Variants in C10orf71 observed in about 807,000 individuals in gnomAD.
C10orf71 encodes the protein cardiac-enriched FHL2-interacting protein.
For synonymous variants in C10orf71, 758 were observed against 726.3 expected (o/e 1.04, Z -0.70); for missense variants, 1,869 against 1,804.5 (o/e 1.04, Z -0.65).
Position 49,322,436 on chromosome 10 carries a change from TG to T in C10orf71, c.-108del. ...AAAATCCCCACTTTGCAATTGCATC[TG>T]GTCAATGAGAGGCTCTAGTTTTGGG... On this transcript the variant is annotated 5_prime_UTR_variant, in exon 3 of 3. Transcript: ENST00000374144. 7.5e-7 allele frequency: 1 copy of T among 1,338,300 alleles called. No individual in the cohort carries two copies. Among genetic ancestry groups the T allele is most frequent in the Non-Finnish European group, 9.9e-7 (1 of 1,007,958 alleles). 82.9% of individuals were successfully genotyped at this position (1,338,300 alleles called of 1,614,324 possible). A position where few individuals can be genotyped will look rare whatever the true frequency, so the allele number is the denominator to read the frequency against.
At chr10:49,308,934 G>T (rs1046406647) in intron 1 of C10orf71, among the ~76,000 whole-genome samples, 3 of 152,236 alleles carry the variant, frequency 2.0e-5, no homozygotes, top group African/African-American at 7.2e-5. Flanking sequence ...CACAGAGGCC[G>T]AGGACTGGGT....
Position 49,326,337 on chromosome 10 carries a change from C to G in C10orf71, c.3792C>G (p.Leu1264=). 2 of 1,550,048 alleles carry G rather than the reference C, an allele frequency of 1.3e-6. No homozygotes were observed. Residue 1264 remains leucine, a synonymous_variant, in exon 3 of 3, where the codon CTC becomes CTG. Coordinates refer to ENST00000374144, the MANE Select transcript of C10orf71 (RefSeq NM_001135196.2). ...GGCGGCCCGGGGGCCCCCAGTCCCT[C>G]ACACCCCTGCCCGCGTACCCCGCCA... ...VGRRPGGPQS[L]TPLPAYPATQ...
In C10orf71 at chr10:49,303,232, A is replaced by G. The variant is rs553286947; in HGVS notation, c.-248+3999A>G. Among the ~76,000 whole-genome samples, 4 of 152,202 alleles carry G rather than the reference A, an allele frequency of 2.6e-5. No homozygotes were observed. In the South Asian group the frequency reaches 8.3e-4, roughly 32 times the overall value. On this transcript the variant is annotated intron_variant, in intron 1 of 2. Coordinates refer to ENST00000374144, the MANE Select transcript of C10orf71 (RefSeq NM_001135196.2). ...GACCCCAACCCCATGGTGACCACACATGGTGACCACCTCCCCTCTTGTGCG... is the reference window on the plus strand; with the variant it reads ...GACCCCAACCCCATGGTGACCACACGTGGTGACCACCTCCCCTCTTGTGCG...
Position 49,323,587 on chromosome 10 carries a change from C to A in C10orf71, c.1042C>A (p.Pro348Thr). The A allele has an allele frequency of 1.2e-6, 2 of 1,603,060 alleles. No individual in the cohort carries two copies. The highest frequency in any genetic ancestry group is 2.2e-5 in the East Asian group (1 of 44,814). ...AGCAGGGGCTCTGTCCACATCTATA[C>A]CCTGGGGGTGCAGGGATCCAGGAGC... The part of the protein sequence containing the change: ...LAAGALSTSI[P>T]WGCRDPGAQV... Residue 348 changes from proline (P) to threonine (T), a missense_variant, in exon 3 of 3, where the codon CCC becomes ACC. Coordinates refer to ENST00000374144, the MANE Select transcript of C10orf71 (RefSeq NM_001135196.2).
At chr10:49,320,658 T>G (rs1024075343) in intron 2 of C10orf71, among the ~76,000 whole-genome samples, 16 of 152,316 alleles carry the variant, frequency 1.1e-4, no homozygotes, top group Admixed American at 8.5e-4. Flanking sequence ...AAAACACCAC[T>G]GAACTTCAGG....
In C10orf71 at chr10:49,324,834, T is replaced by G; in HGVS notation, c.2289T>G (p.Gly763=). ...ACAGGAGGAAGGATGTGAGTGCAGG[T>G]GACAGTCAGAAGGATGAGAAGGAGA... The part of the protein sequence containing the change: ...REDRRKDVSA[G]DSQKDEKENV... The change falls in exon 3 of 3, where the codon GGT becomes GGG. Residue 763 remains glycine (G), a synonymous_variant. Transcript: ENST00000374144. 1 of 1,551,874 alleles carries G rather than the reference T, an allele frequency of 6.4e-7. No homozygotes were observed. The highest frequency in any genetic ancestry group is 8.7e-7 in the Non-Finnish European group (1 of 1,147,030).
chr10:49,303,357 C>T (rs1160944996), intron 1 of C10orf71, among the ~76,000 whole-genome samples: 1 of 152,168 alleles, frequency 6.6e-6, no homozygotes, highest in Non-Finnish European at 1.5e-5. Flanking sequence ...AGGCTCAGGA[C>T]AAGGGCAGAC....
rs1470253160 is a variant in C10orf71, at chr10:49,326,243, C to G, written c.3698C>G (p.Pro1233Arg). The G allele has an allele frequency of 1.3e-6, 2 of 1,550,662 alleles. No homozygotes were observed. Among genetic ancestry groups the G allele is most frequent in the Non-Finnish European group, 1.7e-6 (2 of 1,146,958 alleles). Residue 1233 changes from proline to arginine, a missense_variant, in exon 3 of 3, where the codon CCC becomes CGC. By Grantham distance (103) the Pro-to-Arg change is moderately radical. Transcript: ENST00000374144. ...CPRERPRHNFPVVRSLPPPVH... is the reference protein window; with the variant it reads ...CPRERPRHNFRVVRSLPPPVH... ...AGAGAGAGGCCCCGACACAATTTCC[C>G]CGTGGTCCGTTCCCTGCCCCCTCCC...
At chr10:49,313,839 G>A (rs1283417919) in intron 1 of C10orf71, among the ~76,000 whole-genome samples, 1 of 152,236 alleles carries the variant, frequency 6.6e-6, no homozygotes, top group African/African-American at 2.4e-5. Context: ...GTTGCCTGGT[G>A]GGTGGGCGGA....
rs186073400 is a variant in C10orf71 at position 49,324,802 on chromosome 10, C to A, written c.2257C>A (p.Arg753=). The A allele has an allele frequency of 6.3e-5, 98 of 1,552,074 alleles. No homozygotes were observed. The African/African-American group carries it at 1.1e-3, about 18-fold the overall frequency. ...GAAGATGTGGTTTACTGAGAACCAG[C>A]GGGAAGACAGGAGGAAGGATGTGAG... ...QQKMWFTENQ[R]EDRRKDVSAG... Residue 753 remains arginine (R), a synonymous_variant, in exon 3 of 3, where the codon CGG becomes AGG. Transcript: ENST00000374144.
At position 49,326,534 on chromosome 10, in the gene C10orf71, C is replaced by A; in HGVS notation, c.3989C>A (p.Ala1330Asp). The change falls in exon 3 of 3, where the codon GCT becomes GAT. Residue 1330 changes from alanine to aspartate, a missense_variant. Coordinates refer to ENST00000374144, the MANE Select transcript of C10orf71 (RefSeq NM_001135196.2). ...PEPPPPDALA[A>D]PYVLYPGFQP... is the part of the protein sequence containing the mutation. The stretch of plus-strand genomic sequence containing the variant: ...CCGCCCCCACCGGACGCCCTGGCCG[C>A]TCCCTATGTGCTGTACCCCGGCTTC... The A allele has an allele frequency of 1.9e-6, 3 of 1,550,622 alleles. No individual in the cohort carries two copies. Among genetic ancestry groups the A allele is most frequent in the Non-Finnish European group, 2.6e-6 (3 of 1,146,886 alleles).
rs368250068 is a variant in C10orf71, at chr10:49,325,722, C to A, written c.3177C>A (p.Pro1059=). The A allele has an allele frequency of 8.8e-4, 1,359 of 1,551,598 alleles. 13 individuals carry two copies. In the South Asian group the frequency reaches 0.015, roughly 17 times the overall value. The part of the protein sequence containing the change: ...VPSERANSPN[P]GSPGESSACS... ...GTGAGAGGGCGAATTCCCCCAACCC[C>A]GGCTCCCCCGGGGAGAGCAGTGCCT... Residue 1059 remains proline, a synonymous_variant, in exon 3 of 3, where the codon CCC becomes CCA. Coordinates refer to ENST00000374144, the MANE Select transcript of C10orf71 (RefSeq NM_001135196.2).
chr10:49,299,968 A>G (rs1443901333), intron 1 of C10orf71, among the ~76,000 whole-genome samples: 1 of 152,190 alleles, frequency 6.6e-6, no homozygotes, highest in South Asian at 2.1e-4. Context: ...CTGTTCTTAC[A>G]CACCCTGGGA....
At position 49,325,701 on chromosome 10, in the gene C10orf71, G is replaced by A; in HGVS notation, c.3156G>A (p.Glu1052=). The A allele has an allele frequency of 6.4e-7, 1 of 1,551,816 alleles. No individual in the cohort carries two copies. Among genetic ancestry groups the A allele is most frequent in the South Asian group, 1.2e-5 (1 of 84,054 alleles). The change falls in exon 3 of 3, where the codon GAG becomes GAA. Residue 1052 remains glutamate, a synonymous_variant. Transcript: ENST00000374144. ...GPPGRRLVPS[E]RANSPNPGSP... is the part of the protein sequence containing the mutation. ...CTGGCAGAAGACTGGTCCCCAGTGA[G>A]AGGGCGAATTCCCCCAACCCCGGCT... is the stretch of plus-strand genomic sequence containing the variant.
chr10:49,300,937 G>A (rs1458438194), intron 1 of C10orf71, among the ~76,000 whole-genome samples: 3 of 152,186 alleles, frequency 2.0e-5, no homozygotes, highest in East Asian at 1.9e-4. Context: ...GAGTAGACAG[G>A]AAGGCCAGAG....
In C10orf71 at chr10:49,326,723, C is replaced by T. The variant is rs1400950552; in HGVS notation, c.4178C>T (p.Thr1393Ile). 2.6e-6 allele frequency: 4 copies of T among 1,551,208 alleles called. No individual in the cohort carries two copies. Among genetic ancestry groups the T allele is most frequent in the Non-Finnish European group, 2.6e-6 (3 of 1,146,976 alleles). Residue 1393 changes from threonine to isoleucine, a missense_variant, in exon 3 of 3, where the codon ACC (threonine) becomes ATC (isoleucine). Physicochemically the swap from Thr to Ile is moderately conservative, Grantham distance 89. Transcript: ENST00000374144. Reference protein sequence around the residue: ...QLDPGPHGDCTPHSAGQRPHG... With the variant: ...QLDPGPHGDCIPHSAGQRPHG... ...GACCCAGGGCCTCACGGTGACTGCA[C>T]CCCGCACTCTGCAGGCCAGCGCCCT...
In C10orf71 at chr10:49,322,605, C is replaced by T. The variant is rs761946135; in HGVS notation, c.60C>T (p.Ser20=). 7.4e-6 allele frequency: 12 copies of T among 1,612,746 alleles called. No individual in the cohort carries two copies. Among genetic ancestry groups the T allele is most frequent in the South Asian group, 2.2e-5 (2 of 90,796 alleles). ...DAFSDSSSIG[S]VLDDADREVS... ...TCAGCGACTCCTCCAGCATCGGCAG[C>T]GTGTTGGATGATGCAGACAGGGAGG... Residue 20 remains serine (S), a synonymous_variant, in exon 3 of 3, where the codon AGC becomes AGT. Transcript: ENST00000374144.
intron 1 of C10orf71, among the ~76,000 whole-genome samples, chr10:49,306,079 G>A (rs768205665): frequency 1.3e-5 from 2 of 152,242 alleles, no homozygotes; most frequent in Non-Finnish European, 2.9e-5. Flanking sequence ...ACGGAGAGGA[G>A]GATGTGTATG....
intron 2 of C10orf71, among the ~76,000 whole-genome samples, chr10:49,321,597 TC>T (rs1476462356): frequency 6.6e-6 from 1 of 152,200 alleles, no homozygotes; most frequent in South Asian, 2.1e-4. Flanking sequence ...ATATAGTAGT[TC>T]TAGTCTTAAT....
Sources: gnomAD v4.1 joint callset for allele counts (sites outside exome capture counted in the v4.1 genomes callset) on GRCh38, gnomAD v4.1.1 for gene constraint, MANE v1.5 for transcripts, NCBI Gene and HGNC (gene_info 2026-07-23, HGNC 2026-07-21) for gene names.